ELP3: variants seen among roughly 807,000 people sequenced by gnomAD.
The protein encoded by ELP3 is elongator acetyltransferase complex subunit 3, also known as elongator complex protein 3.
In ELP3, 56 loss-of-function variants were observed where a neutral mutation model predicts 74.9. The observed-to-expected ratio is 0.75, with a 90% CI of 0.60 to 0.93. The LOEUF is 0.93. ELP3 is among the 40% of genes least tolerant of loss of function. The probability of loss-of-function intolerance (pLI) is 0.00; values close to 1 mark genes in which losing one functional copy is unlikely to be tolerated. For synonymous variants in ELP3, 222 were observed against 239.8 expected (o/e 0.93, Z 0.68); for missense variants, 573 against 686.5 (o/e 0.83, Z 1.85).
intron 10 of ELP3, among the ~76,000 whole-genome samples, chr8:28,152,846 T>G (rs952624404): frequency 2.0e-5 from 3 of 152,234 alleles, no homozygotes; most frequent in Non-Finnish European, 4.4e-5. Flanking sequence ...TGAAGTTTAC[T>G]TCTGTGTTTT....
chr8:28,161,054 A>G (rs1814064572), intron 13 of ELP3, among the ~76,000 whole-genome samples: 1 of 152,192 alleles, frequency 6.6e-6, no homozygotes, highest in African/African-American at 2.4e-5. Flanking sequence ...ATATGGGTCA[A>G]CTTATTGTGG....
intron 6 of ELP3, among the ~76,000 whole-genome samples, chr8:28,111,365 T>C (rs1347128552): frequency 1.3e-5 from 2 of 152,256 alleles, no homozygotes; most frequent in African/African-American, 2.4e-5. Flanking sequence ...TTTACAAGTT[T>C]ATTTTAAACT....
intron 14 of ELP3, among the ~76,000 whole-genome samples, chr8:28,168,020 T>C (rs1162310886): frequency 6.6e-6 from 1 of 152,336 alleles, no homozygotes; most frequent in Middle Eastern, 3.4e-3. Context: ...TTGGTGTCTG[T>C]TGTAGCTGCA....
intron 14 of ELP3, among the ~76,000 whole-genome samples, chr8:28,182,518 G>A (rs1007322157): frequency 2.6e-5 from 4 of 152,154 alleles, no homozygotes; most frequent in African/African-American, 9.7e-5. Context: ...CCGAGATCAC[G>A]CCATTGCACT....
chr8:28,164,250 G>A (rs1814219557), intron 14 of ELP3, among the ~76,000 whole-genome samples: 1 of 152,090 alleles, frequency 6.6e-6, no homozygotes, highest in African/African-American at 2.4e-5. Context: ...TTTATGAGCG[G>A]GGTGATTTCC....
chr8:28,130,799 A>T, intron 8 of ELP3, among the ~76,000 whole-genome samples: 1 of 152,120 alleles, frequency 6.6e-6, no homozygotes, highest in Non-Finnish European at 1.5e-5. Flanking sequence ...ACTCCTAGAG[A>T]TGGGAGTGCC....
chr8:28,138,599 A>G (rs1160277651), intron 10 of ELP3, among the ~76,000 whole-genome samples: 2 of 152,196 alleles, frequency 1.3e-5, no homozygotes, highest in Non-Finnish European at 1.5e-5. Context: ...AATATTACAA[A>G]TGCAAGGCCA....
At chr8:28,136,143 G>A (rs1227949398) in intron 9 of ELP3, among the ~76,000 whole-genome samples, 1 of 151,962 alleles carries the variant, frequency 6.6e-6, no homozygotes, top group Non-Finnish European at 1.5e-5. Context: ...TGTATTTTTA[G>A]TAGAGATGGG....
intron 7 of ELP3, among the ~76,000 whole-genome samples, chr8:28,120,662 A>G (rs546310999): frequency 3.3e-5 from 5 of 152,282 alleles, no homozygotes; most frequent in Admixed American, 2.6e-4. Context: ...GTTTTCTTCT[A>G]ATTACAGGTT....
chr8:28,175,168 G>C (rs1488866863), intron 14 of ELP3, among the ~76,000 whole-genome samples: 1 of 152,096 alleles, frequency 6.6e-6, no homozygotes, highest in Non-Finnish European at 1.5e-5. Flanking sequence ...TGAATGTATA[G>C]ATTCATGTCT....
intron 14 of ELP3, among the ~76,000 whole-genome samples, chr8:28,187,314 C>G (rs1395997573): frequency 6.6e-6 from 1 of 152,184 alleles, no homozygotes; most frequent in Non-Finnish European, 1.5e-5. Flanking sequence ...GTCACATATC[C>G]ATTCAGTGAG....
chr8:28,119,576 A>T (rs1336914508), intron 7 of ELP3, among the ~76,000 whole-genome samples: 2 of 228 alleles, frequency 8.8e-3, no homozygotes, highest in Admixed American at 0.059. Context: ...GGCGTTTTAT[A>T]TATATATATA....
intron 3 of ELP3, among the ~76,000 whole-genome samples, chr8:28,106,495 C>T (rs926160660): frequency 3.4e-5 from 5 of 148,762 alleles, no homozygotes; most frequent in Non-Finnish European, 7.5e-5. Flanking sequence ...AGCCGAGATC[C>T]CGCCACTGCA....
At chr8:28,141,414 TA>T (rs1813232440) in intron 10 of ELP3, among the ~76,000 whole-genome samples, 1 of 152,116 alleles carries the variant, frequency 6.6e-6, no homozygotes, top group Non-Finnish European at 1.5e-5. Flanking sequence ...AAAAGAGTTC[TA>T]ACTTGAAGGA....
At chr8:28,091,106 T>C (rs1050505137), upstream of ELP3, among the ~76,000 whole-genome samples, 4 of 151,956 alleles carry the variant, frequency 2.6e-5, no homozygotes, top group Non-Finnish European at 1.5e-5. Flanking sequence ...CGGGGTTTCA[T>C]CATGTTAGCC....
chr8:28,179,199 C>T (rs1481924827), intron 14 of ELP3, among the ~76,000 whole-genome samples: 1 of 152,214 alleles, frequency 6.6e-6, no homozygotes, highest in African/African-American at 2.4e-5. Flanking sequence ...ACCAGCCCCC[C>T]ACATATAACA....
intron 13 of ELP3, 53 bp from the exon 14 acceptor site, chr8:28,161,944 T>C (rs545565833): frequency 6.3e-7 from 1 of 1,583,334 alleles, no homozygotes; most frequent in East Asian, 2.2e-5. Flanking sequence ...TGGACCCCTC[T>C]TAATGAACTT....
chr8:28,137,635 A>G, intron 9 of ELP3, 63 bp from the exon 10 acceptor site: 2 of 1,544,418 alleles, frequency 1.3e-6, no homozygotes, highest in Non-Finnish European at 1.8e-6. Context: ...AGGGGTTGAG[A>G]TTTCACCCTC....
intron 7 of ELP3, among the ~76,000 whole-genome samples, chr8:28,115,828 G>A (rs991812136): frequency 6.6e-6 from 1 of 152,142 alleles, no homozygotes; most frequent in African/African-American, 2.4e-5. Context: ...GAAGATCTTG[G>A]AAGGAATATG....
Sources: gnomAD v4.1 joint callset for allele counts (sites outside exome capture counted in the v4.1 genomes callset) on GRCh38, gnomAD v4.1.1 for gene constraint, MANE v1.5 for transcripts, NCBI Gene and HGNC (gene_info 2026-07-23, HGNC 2026-07-21) for gene names.